ADGRG2: variants seen among roughly 807,000 people sequenced by gnomAD.
The protein encoded by ADGRG2 is adhesion G protein-coupled receptor G2, also known as G protein-coupled receptor 64.
A neutral mutation model predicts 74.1 loss-of-function variants in ADGRG2; 26 were observed. The observed-to-expected ratio is 0.35, with a 90% CI of 0.26 to 0.49. The LOEUF (loss-of-function observed/expected upper bound fraction) is 0.49. Ranked by LOEUF, ADGRG2 falls within the 20% of genes least tolerant of loss-of-function variation. The pLI is 0.99. For synonymous variants in ADGRG2, 296 were observed against 295.2 expected, an observed-to-expected ratio of 1.00 and a Z score of -0.03; for missense variants, 619 against 763.1, an observed-to-expected ratio of 0.81 and a Z score of 2.22.
intron 1 of ADGRG2, among the ~76,000 whole-genome samples, chrX:19,104,738 G>A (rs1319245167): frequency 9.2e-6 from 1 of 108,199 alleles, no homozygotes; most frequent in Non-Finnish European, 1.9e-5. Flanking sequence ...TCAACATGGT[G>A]AAACCCCGTC....
chrX:19,027,668 G>C lies in ADGRG2; in HGVS notation c.415-394C>G, dbSNP rs151099973. On this transcript the variant is annotated intron_variant, in intron 10 of 28. Transcript: ENST00000379869. ...GACCCCAATGTAAAAAGGAAAACTTGATAGCAGCCATTGCTGTATTTCTAG... is the reference window on the plus strand; with the variant it reads ...GACCCCAATGTAAAAAGGAAAACTTCATAGCAGCCATTGCTGTATTTCTAG... Among the ~76,000 whole-genome samples the C allele has an allele frequency of 6.9e-3, 779 of 112,283 alleles. 9 individuals are homozygous for C. Among genetic ancestry groups the C allele is most frequent in the African/African-American group, 0.024 (743 of 30,950 alleles).
chrX:19,118,885 C>T (rs958598435), intron 1 of ADGRG2, among the ~76,000 whole-genome samples: 3 of 112,236 alleles, frequency 2.7e-5, no homozygotes, highest in Admixed American at 9.5e-5. Context: ...AGTATTGATC[C>T]GTGCAACATA....
intron 1 of ADGRG2, among the ~76,000 whole-genome samples, chrX:19,106,239 C>T (rs779148243): frequency 9.0e-6 from 1 of 110,850 alleles, no homozygotes; most frequent in East Asian, 2.8e-4. Context: ...GGGGTGGGAG[C>T]TGTTAATTCC....
At chrX:19,007,939 CA>C in intron 19 of ADGRG2, 40 bp downstream of exon 19, 1 of 1,142,109 alleles carries the variant, frequency 8.8e-7, no homozygotes, top group Non-Finnish European at 1.2e-6. Context: ...CCCTCATCTC[CA>C]AATAAAGCCC....
chrX:19,054,090 C>A (rs771643463), intron 3 of ADGRG2, among the ~76,000 whole-genome samples: 1 of 111,788 alleles, frequency 8.9e-6, no homozygotes, highest in East Asian at 2.8e-4. Flanking sequence ...ATCAAGGATG[C>A]GCTCTCTATT....
At chrX:19,063,169 CGA>C (rs1012208485) in intron 3 of ADGRG2, among the ~76,000 whole-genome samples, 3 of 111,610 alleles carry the variant, frequency 2.7e-5, no homozygotes, top group Non-Finnish European at 5.7e-5. Flanking sequence ...AGTGGCCTGA[CGA>C]GAGAGTGTCA....
intron 20 of ADGRG2, 142 bp downstream of exon 20, chrX:19,007,093 A>C: frequency 1.9e-6 from 1 of 538,154 alleles, no homozygotes; most frequent in East Asian, 3.4e-5. Flanking sequence ...CAATGGAGAG[A>C]TGTGATTCTA....
Position 19,007,359 on chromosome X carries a change from T to C in ADGRG2, c.1567-2A>G. 1.7e-6 allele frequency: 2 copies of C among 1,207,251 alleles called. No homozygotes were observed. The highest frequency in any genetic ancestry group is 1.8e-5 in the South Asian group (1 of 56,858). On this transcript the variant is annotated splice_acceptor_variant, in intron 19 of 28. Coordinates refer to ENST00000379869, the MANE Select transcript of ADGRG2 (RefSeq NM_001079858.3). LOFTEE classifies it high-confidence loss of function. ...AGAGAGGTTCTCCAGGGAAGGATCC[T>C]GGCACATCAAGATGGCAAGGGTAAA... is the stretch of plus-strand genomic sequence containing the variant.
chrX:19,020,226 G>A (rs2060560728), intron 14 of ADGRG2, among the ~76,000 whole-genome samples: 1 of 111,761 alleles, frequency 8.9e-6, no homozygotes, highest in Non-Finnish European at 1.9e-5. Flanking sequence ...GACCTTAAAT[G>A]TTCTTACCAC....
At chrX:19,058,594 ACT>A (rs368366773) in intron 3 of ADGRG2, among the ~76,000 whole-genome samples, 217 of 111,253 alleles carry the variant, frequency 2.0e-3, no homozygotes, top group African/African-American at 6.5e-3. Flanking sequence ...AAATTAAAAA[ACT>A]CTATGCTGTA....
chrX:19,091,002 G>C (rs2062008947), intron 1 of ADGRG2, among the ~76,000 whole-genome samples: 1 of 111,557 alleles, frequency 9.0e-6, no homozygotes, highest in Non-Finnish European at 1.9e-5. Context: ...GAAACTGGAA[G>C]GGTGAGAGGA....
chrX:19,000,076 C>T, intron 24 of ADGRG2, 116 bp from the exon 25 acceptor site: 1 of 424,757 alleles, frequency 2.4e-6, no homozygotes, highest in Non-Finnish European at 4.1e-6. Flanking sequence ...TCACTGCAAC[C>T]TCCGCCTCCT....
At chrX:19,090,823 G>A (rs1447903530) in intron 1 of ADGRG2, among the ~76,000 whole-genome samples, 1 of 111,434 alleles carries the variant, frequency 9.0e-6, no homozygotes, top group African/African-American at 3.3e-5. Context: ...GGTTGGGTAA[G>A]TGTTCATATT....
intron 1 of ADGRG2, among the ~76,000 whole-genome samples, chrX:19,117,101 C>A: frequency 9.1e-6 from 1 of 109,926 alleles, no homozygotes. Flanking sequence ...ACCAACCTGG[C>A]CAAGATGGTG....
At chrX:19,007,166 A>G (rs2060252906) in intron 20 of ADGRG2, 69 bp downstream of exon 20, 1 of 1,126,559 alleles carries the variant, frequency 8.9e-7, no homozygotes, top group Non-Finnish European at 1.2e-6. Context: ...TTTGCCGGCC[A>G]TGCCTTACAA....
chrX:19,025,152 C>T (rs1361145791), intron 11 of ADGRG2, among the ~76,000 whole-genome samples: 1 of 111,850 alleles, frequency 8.9e-6, no homozygotes, highest in Non-Finnish European at 1.9e-5. Flanking sequence ...GCTCTACATT[C>T]AGAGACTTAG....
chrX:18,995,003 T>C lies in ADGRG2; in HGVS notation c.2762A>G (p.Asn921Ser). 8.3e-7 allele frequency: 1 copy of C among 1,203,471 alleles called. No homozygotes were observed. The highest frequency in any genetic ancestry group is 1.1e-6 in the Non-Finnish European group (1 of 888,560). ...ATNGLKKQTV[N>S]QGVSSSSNSL... ...ATTTGAAGAGCTGGACACTCCTTGG[T>C]TTACAGTCTGCTTCTTTAAACCATT... Residue 921 changes from asparagine (N) to serine (S), a missense_variant, in exon 28 of 29, where the codon AAC becomes AGC. Physicochemically the swap from Asn to Ser is conservative, Grantham distance 46. Transcript: ENST00000379869.
At chrX:19,080,822 A>C (rs1278798416) in intron 2 of ADGRG2, among the ~76,000 whole-genome samples, 1 of 110,321 alleles carries the variant, frequency 9.1e-6, no homozygotes, top group African/African-American at 3.3e-5. Context: ...CAGGCTCCTG[A>C]GTAGCTGGGA....
chrX:19,068,584 C>A, intron 3 of ADGRG2, 133 bp downstream of exon 3: 1 of 381,005 alleles, frequency 2.6e-6, no homozygotes, highest in East Asian at 4.2e-5. Flanking sequence ...TGCCAATGAA[C>A]TGTACACTTA....
Sources: gnomAD v4.1 joint callset for allele counts (sites outside exome capture counted in the v4.1 genomes callset) on GRCh38, gnomAD v4.1.1 for gene constraint, MANE v1.5 for transcripts, NCBI Gene and HGNC (gene_info 2026-07-23, HGNC 2026-07-21) for gene names.